DAB1: variants seen among roughly 807,000 people sequenced by gnomAD.
The protein encoded by DAB1 is DAB adaptor protein 1, also known as disabled homolog 1.
A neutral mutation model predicts 64.6 loss-of-function variants in DAB1; 15 were observed. The observed-to-expected ratio is 0.23, with a 90% CI of 0.16 to 0.36. The LOEUF (loss-of-function observed/expected upper bound fraction) is 0.36. Among genes scored for constraint, DAB1 ranks in the 10% least tolerant of loss-of-function variants. DAB1 has a pLI of 1.00. For synonymous variants in DAB1, 235 were observed against 251.9 expected (o/e 0.93, Z 0.64); for missense variants, 596 against 706.7 (o/e 0.84, Z 1.78).
Position 57,116,479 on chromosome 1 carries a change from A to AG in DAB1, c.306+20063_306+20064insC, listed in dbSNP as rs1194588107. The stretch of plus-strand genomic sequence containing the variant: ...TCTGTCTCAAAAAAAAAAAAAAAAA[A>AG]AAAAGAAAGAAAGCAGGTTGGGAGA... On this transcript the variant is annotated intron_variant, in intron 4 of 14. Coordinates refer to ENST00000371236, the MANE Select transcript of DAB1 (RefSeq NM_001365792.1). 3.1e-3 allele frequency among the ~76,000 whole-genome samples: 453 copies of AG among 148,442 alleles called. 3 individuals are homozygous for AG. Among genetic ancestry groups the AG allele is most frequent in the African/African-American group, 9.8e-3 (397 of 40,572 alleles).
At chr1:57,983,058 T>C (rs1471092146) in intron 5 of DAB1, among the ~76,000 whole-genome samples, 1 of 152,190 alleles carries the variant, frequency 6.6e-6, no homozygotes, top group Admixed American at 6.5e-5. Flanking sequence ...GCTCTTACAG[T>C]GTACGGTGAA....
At chr1:57,871,991 T>C (rs1166787849) in intron 1 of DAB1, among the ~76,000 whole-genome samples, 2 of 152,116 alleles carry the variant, frequency 1.3e-5, no homozygotes, top group East Asian at 1.9e-4. Context: ...GCAGGTATTG[T>C]ATAGTCTCTA....
chr1:57,767,775 C>T (rs116557331), intron 6 of DAB1, among the ~76,000 whole-genome samples: 1,780 of 152,222 alleles, frequency 0.012, 47 homozygotes, highest in African/African-American at 0.041. Context: ...CTCTGTTCTC[C>T]ACATTTGACT....
intron 7 of DAB1, among the ~76,000 whole-genome samples, chr1:57,618,482 G>A (rs568240559): frequency 2.0e-5 from 3 of 151,518 alleles, no homozygotes; most frequent in African/African-American, 2.4e-5. Flanking sequence ...TGGGAAGTGT[G>A]TCAGTAAGTG....
intron 7 of DAB1, among the ~76,000 whole-genome samples, chr1:57,582,453 A>C (rs1018232686): frequency 2.6e-5 from 4 of 152,176 alleles, no homozygotes; most frequent in Admixed American, 2.6e-4. Context: ...GGGGATTACA[A>C]TTCAAGATGA....
At chr1:58,008,505 T>C (rs1346133542) in intron 5 of DAB1, among the ~76,000 whole-genome samples, 1 of 152,000 alleles carries the variant, frequency 6.6e-6, no homozygotes, top group Non-Finnish European at 1.5e-5. Flanking sequence ...AAAGGACATT[T>C]ATAGGACAGA....
chr1:58,198,056 C>T (rs987607006), intron 4 of DAB1, among the ~76,000 whole-genome samples: 6 of 152,126 alleles, frequency 3.9e-5, no homozygotes, highest in African/African-American at 1.4e-4. Context: ...TCATGGTAGG[C>T]AGGACTAAGC....
chr1:58,334,125 A>G (rs1459647985), intron 4 of DAB1, among the ~76,000 whole-genome samples: 1 of 152,128 alleles, frequency 6.6e-6, no homozygotes, highest in African/African-American at 2.4e-5. Context: ...GCCATGTGAC[A>G]TATCTTGACC....
At chr1:57,177,059 C>A (rs756668577) in intron 2 of DAB1, among the ~76,000 whole-genome samples, 1 of 151,652 alleles carries the variant, frequency 6.6e-6, no homozygotes, top group Admixed American at 6.6e-5. Context: ...TCCCCTCTAC[C>A]CACCAGCAGG....
At chr1:58,302,177 A>T (rs1356895703) in intron 4 of DAB1, among the ~76,000 whole-genome samples, 1 of 152,188 alleles carries the variant, frequency 6.6e-6, no homozygotes, top group Non-Finnish European at 1.5e-5. Context: ...ATGTCACAAA[A>T]TTAATCTCTC....
At chr1:58,075,689 C>T (rs1342387563) in intron 5 of DAB1, among the ~76,000 whole-genome samples, 1 of 152,180 alleles carries the variant, frequency 6.6e-6, no homozygotes, top group Non-Finnish European at 1.5e-5. Context: ...TTCAAGGTCA[C>T]AAATGCAGCT....
chr1:58,305,457 T>G (rs1662283908), intron 4 of DAB1, among the ~76,000 whole-genome samples: 1 of 152,186 alleles, frequency 6.6e-6, no homozygotes. Context: ...CACATTGTGG[T>G]AATATTGTTT....
At chr1:57,269,525 G>A (rs1476634674) in intron 2 of DAB1, among the ~76,000 whole-genome samples, 1 of 152,108 alleles carries the variant, frequency 6.6e-6, no homozygotes, top group Non-Finnish European at 1.5e-5. Context: ...GGTCAGGCAG[G>A]TGGTTCAATG....
At chr1:57,971,339 C>T (rs1043483955) in intron 5 of DAB1, among the ~76,000 whole-genome samples, 3 of 152,212 alleles carry the variant, frequency 2.0e-5, no homozygotes, top group African/African-American at 4.8e-5. Flanking sequence ...TCCTACCTTG[C>T]CTTTGCTGAA....
chr1:57,217,682 AT>A (rs1423175101), intron 2 of DAB1, among the ~76,000 whole-genome samples: 1 of 152,102 alleles, frequency 6.6e-6, no homozygotes, highest in Non-Finnish European at 1.5e-5. Flanking sequence ...GCCAATAGTC[AT>A]TTTTTATTTT....
intron 5 of DAB1, among the ~76,000 whole-genome samples, chr1:58,014,207 A>C (rs1423059110): frequency 6.6e-6 from 1 of 152,190 alleles, no homozygotes; most frequent in Non-Finnish European, 1.5e-5. Flanking sequence ...TGTCTGACTC[A>C]ATGTTCATAT....
chr1:57,489,755 TTCTG>T (rs1644139096), intron 7 of DAB1, among the ~76,000 whole-genome samples: 2 of 152,242 alleles, frequency 1.3e-5, no homozygotes, highest in East Asian at 1.9e-4. Context: ...GATACAAGCC[TTCTG>T]TCTTTCTCAG....
At chr1:57,212,966 AG>A (rs1666144028) in intron 2 of DAB1, among the ~76,000 whole-genome samples, 1 of 152,170 alleles carries the variant, frequency 6.6e-6, no homozygotes, top group Non-Finnish European at 1.5e-5. Flanking sequence ...TGTGGCAGGC[AG>A]GGGGCTGCAC....
At chr1:57,121,221 G>T (rs1303740141) in intron 4 of DAB1, among the ~76,000 whole-genome samples, 3 of 149,328 alleles carry the variant, frequency 2.0e-5, no homozygotes, top group Non-Finnish European at 4.5e-5. Flanking sequence ...GAGAAGGAGG[G>T]GAAGGGGAAG....
Sources: allele counts gnomAD v4.1 joint callset (sites outside exome capture counted in the v4.1 genomes callset), GRCh38; gene constraint gnomAD v4.1.1; transcripts MANE v1.5; gene names NCBI Gene and HGNC (gene_info 2026-07-23, HGNC 2026-07-21).